CTTNBP2: variants seen among roughly 807,000 people sequenced by gnomAD.
The protein encoded by CTTNBP2 is cortactin-binding protein 2.
CTTNBP2 carries 108 observed loss-of-function variants against 156.9 expected under a neutral mutation model. That is an observed-to-expected ratio of 0.69 (90% confidence interval 0.59 to 0.81). CTTNBP2 has a LOEUF of 0.81. CTTNBP2 is among the 30% of genes least tolerant of loss of function. CTTNBP2 has a pLI of 0.00. For missense variants in CTTNBP2, 1,924 were observed against 2,035.4 expected (o/e 0.95, Z 1.05); for synonymous variants, 767 against 751.8 (o/e 1.02, Z -0.33).
chr7:117,808,522 A>C (rs1457330706), intron 3 of CTTNBP2, among the ~76,000 whole-genome samples: 1 of 152,234 alleles, frequency 6.6e-6, no homozygotes, highest in East Asian at 1.9e-4. Flanking sequence ...ATGAATGAGC[A>C]CAGACCCTGT....
intron 3 of CTTNBP2, among the ~76,000 whole-genome samples, chr7:117,801,480 G>A (rs987965622): frequency 6.6e-5 from 10 of 152,210 alleles, no homozygotes; most frequent in South Asian, 4.1e-4. Context: ...ACAATTAAAC[G>A]CAATGCCTGA....
rs958322150 is a variant in CTTNBP2 at position 117,781,915 on chromosome 7, G to A, written c.2372+947C>T. Among the ~76,000 whole-genome samples the A allele has an allele frequency of 6.6e-5, 10 of 152,160 alleles. No homozygotes were observed. In the East Asian group the frequency reaches 1.9e-3, roughly 29 times the overall value. ...GAGAAATTCCTTTTGAAGGAGTCAG[G>A]ATATGTCCCAAGAGTAACAGCAAAA... On this transcript the variant is annotated intron_variant, in intron 6 of 22. Transcript: ENST00000160373.
chr7:117,786,322 G>C (rs1798697400), intron 4 of CTTNBP2: 1 of 338,518 alleles, frequency 3.0e-6, no homozygotes, highest in Non-Finnish European at 6.0e-6. Flanking sequence ...TAAACTTTAT[G>C]ATATTTTCCT....
intron 17 of CTTNBP2, among the ~76,000 whole-genome samples, chr7:117,727,809 G>A (rs1795176852): frequency 6.6e-6 from 1 of 152,158 alleles, no homozygotes; most frequent in African/African-American, 2.4e-5. Flanking sequence ...AACTTCTTAT[G>A]TGGTACCTCA....
At chr7:117,774,273 T>G (rs183046181) in intron 8 of CTTNBP2, among the ~76,000 whole-genome samples, 2 of 152,152 alleles carry the variant, frequency 1.3e-5, no homozygotes, top group East Asian at 3.9e-4. Context: ...ATTTGGGAAT[T>G]TGATCTTCAG....
chr7:117,751,300 T>A (rs1796607236), intron 12 of CTTNBP2, among the ~76,000 whole-genome samples: 1 of 152,234 alleles, frequency 6.6e-6, no homozygotes, highest in Non-Finnish European at 1.5e-5. Flanking sequence ...GTTTCACTTG[T>A]CACACATAGT....
chr7:117,824,180 G>T (rs1365956138), intron 2 of CTTNBP2, among the ~76,000 whole-genome samples: 8 of 148,196 alleles, frequency 5.4e-5, no homozygotes, highest in South Asian at 4.3e-4. Flanking sequence ...AAACTTTCTG[G>T]TTTTTTTTTT....
rs112396756 is a variant in CTTNBP2 at position 117,749,438 on chromosome 7, A to G, written c.3349-3339T>C. The stretch of plus-strand genomic sequence containing the variant: ...GTCCAACACAGCAGACAATGTATGA[A>G]GATAAACCACAGTCCCAGGAAGCAC... On this transcript the variant is annotated intron_variant, in intron 12 of 22. Coordinates refer to ENST00000160373, the MANE Select transcript of CTTNBP2 (RefSeq NM_033427.3). Among the ~76,000 whole-genome samples the G allele has an allele frequency of 8.7e-3, 1,327 of 152,296 alleles. 21 individuals are homozygous for G. The highest frequency in any genetic ancestry group is 0.013 in the Non-Finnish European group (863 of 68,028).
intron 3 of CTTNBP2, among the ~76,000 whole-genome samples, chr7:117,806,496 C>T (rs779106852): frequency 6.6e-6 from 1 of 152,176 alleles, no homozygotes; most frequent in African/African-American, 2.4e-5. Context: ...CTGTCCTCTT[C>T]TCTCCCTGGG....
chr7:117,756,437 G>A lies in CTTNBP2; in HGVS notation c.3348+118C>T, dbSNP rs35553551. ...GAGGGGGCTGGTGGGGAAGGTAACG[G>A]TGTCAGAGCACAGGGTGGGGGGGCT... On this transcript the variant is annotated intron_variant, in intron 12 of 22. Transcript: ENST00000160373. 1,147 of 757,610 alleles carry A rather than the reference G, an allele frequency of 1.5e-3. 12 individuals are homozygous for A. In the African/African-American group the frequency reaches 0.018, roughly 12 times the overall value. 46.9% of individuals were successfully genotyped at this position (757,610 alleles called of 1,614,324 possible).
At chr7:117,854,766 G>T (rs1400650611) in intron 2 of CTTNBP2, among the ~76,000 whole-genome samples, 1 of 151,528 alleles carries the variant, frequency 6.6e-6, no homozygotes, top group Non-Finnish European at 1.5e-5. Flanking sequence ...AAAAATAGAT[G>T]ATTTAATTAA....
intron 2 of CTTNBP2, among the ~76,000 whole-genome samples, chr7:117,846,811 T>C (rs1473659776): frequency 6.6e-6 from 1 of 152,136 alleles, no homozygotes; most frequent in African/African-American, 2.4e-5. Context: ...AAAACTGGCT[T>C]CTTAAACATT....
intron 12 of CTTNBP2, among the ~76,000 whole-genome samples, chr7:117,750,253 G>C (rs570327784): frequency 6.6e-6 from 1 of 152,018 alleles, no homozygotes; most frequent in Non-Finnish European, 1.5e-5. Flanking sequence ...ATAACATAAA[G>C]AGACCCAACT....
chr7:117,777,289 TAACA>T lies in CTTNBP2; in HGVS notation c.2778+218_2778+221del, dbSNP rs1798155180. On this transcript the variant is annotated intron_variant, in intron 8 of 22. Transcript: ENST00000160373. ...TTGAAATTGCCCTCATATTTCTTATTAACAAACTACAAATAAATGATTTTTATTA... is the reference window on the plus strand; with the variant it reads ...TTGAAATTGCCCTCATATTTCTTATTAACTACAAATAAATGATTTTTATTA... Among the ~76,000 whole-genome samples the T allele has an allele frequency of 3.9e-5, 6 of 152,356 alleles. No individual in the cohort carries two copies. In the South Asian group the frequency reaches 1.2e-3, roughly 32 times the overall value.
intron 9 of CTTNBP2, among the ~76,000 whole-genome samples, chr7:117,760,990 G>A (rs1223963460): frequency 1.3e-5 from 2 of 151,536 alleles, no homozygotes; most frequent in Non-Finnish European, 2.9e-5. Context: ...AGATTGTCAA[G>A]TTTTAAAAAA....
intron 11 of CTTNBP2, 87 bp from the exon 12 acceptor site, chr7:117,756,721 G>T: frequency 1.1e-6 from 1 of 929,932 alleles, no homozygotes; most frequent in Non-Finnish European, 1.8e-6. Flanking sequence ...CATAGAAGAT[G>T]AATGTGTTTG....
At position 117,851,846 on chromosome 7, in the gene CTTNBP2, G is replaced by A. The variant is rs73716362; in HGVS notation, c.189+9363C>T. Among the ~76,000 whole-genome samples, 812 of 152,282 alleles carry A rather than the reference G, an allele frequency of 5.3e-3. 8 individuals are homozygous for A. The highest frequency in any genetic ancestry group is 0.019 in the African/African-American group (786 of 41,562). On this transcript the variant is annotated intron_variant, in intron 2 of 22. Coordinates refer to ENST00000160373, the MANE Select transcript of CTTNBP2 (RefSeq NM_033427.3). ...CTCATTATTTTGTCAAGAAACTCCA[G>A]AAGGAAGCCCAATACACTTTTGAGA...
At chr7:117,870,412 C>G (rs1804504907) in intron 1 of CTTNBP2, among the ~76,000 whole-genome samples, 1 of 152,226 alleles carries the variant, frequency 6.6e-6, no homozygotes, top group Non-Finnish European at 1.5e-5. Flanking sequence ...ACATTCAATA[C>G]TGTCACCTGG....
rs1306435313 is a variant in CTTNBP2, at chr7:117,724,739, C to G, written c.4262-7G>C. On this transcript the variant is annotated splice_polypyrimidine_tract_variant and splice_region_variant and intron_variant, in intron 18 of 22. Coordinates refer to ENST00000160373, the MANE Select transcript of CTTNBP2 (RefSeq NM_033427.3). ...GCTGTATGCTGGTCTAGCTCTGAAA[C>G]AACACAAATCACAGCAGGGATAATG... 1.9e-6 allele frequency: 3 copies of G among 1,612,652 alleles called. No homozygotes were observed. The highest frequency in any genetic ancestry group is 2.5e-6 in the Non-Finnish European group (3 of 1,179,702).
Sources: gnomAD v4.1 joint callset for allele counts (sites outside exome capture counted in the v4.1 genomes callset) on GRCh38, gnomAD v4.1.1 for gene constraint, MANE v1.5 for transcripts, NCBI Gene and HGNC (gene_info 2026-07-23, HGNC 2026-07-21) for gene names.